The following PLA2G10 variants were observed in gnomAD, a reference collection of about 807,000 sequenced individuals.
PLA2G10 encodes group 10 secretory phospholipase A2.
PLA2G10 carries 9 observed loss-of-function variants against 7.9 expected under a neutral mutation model. That is an observed-to-expected ratio of 1.14 (90% CI 0.68 to 1.98). The LOEUF (loss-of-function observed/expected upper bound fraction) is 1.98. PLA2G10 is among the 30% of genes most tolerant of loss of function. The pLI, the probability that PLA2G10 is intolerant of heterozygous loss-of-function variation, is 0.00. For synonymous variants in PLA2G10, 19 were observed against 27.5 expected (o/e 0.69, Z 0.97); for missense variants, 53 against 65.4 (o/e 0.81, Z 0.66).
At chr16:14,681,706 A>T (rs761743534) in intron 3 of PLA2G10, among the ~76,000 whole-genome samples, 1 of 151,914 alleles carries the variant, frequency 6.6e-6, no homozygotes, top group Non-Finnish European at 1.5e-5. Context: ...CTCCAAACAG[A>T]ATAAGATAAT....
intron 3 of PLA2G10, among the ~76,000 whole-genome samples, chr16:14,685,688 T>C (rs568838937): frequency 2.6e-4 from 39 of 152,258 alleles, no homozygotes; most frequent in Admixed American, 2.0e-3. Flanking sequence ...ATGTCTATTT[T>C]CTTTTTGTTG....
chr16:14,685,245 G>A (rs941151693), intron 3 of PLA2G10, among the ~76,000 whole-genome samples: 3 of 151,724 alleles, frequency 2.0e-5, no homozygotes, highest in African/African-American at 7.3e-5. Context: ...GGTGGTGCAC[G>A]TTTGTAATCC....
At chr16:14,682,390 T>C (rs1337034560) in intron 3 of PLA2G10, among the ~76,000 whole-genome samples, 1 of 151,802 alleles carries the variant, frequency 6.6e-6, no homozygotes, top group Admixed American at 6.6e-5. Flanking sequence ...CTAGCCAACA[T>C]GGTGAAACAC....
intron 3 of PLA2G10, among the ~76,000 whole-genome samples, chr16:14,685,496 A>G (rs1346560983): frequency 6.6e-6 from 1 of 152,112 alleles, no homozygotes; most frequent in Non-Finnish European, 1.5e-5. Flanking sequence ...CCAGAGATAG[A>G]AAACTGGTAA....
intron 3 of PLA2G10, among the ~76,000 whole-genome samples, chr16:14,683,854 A>G (rs1597014344): frequency 6.6e-6 from 1 of 152,338 alleles, no homozygotes; most frequent in African/African-American, 2.4e-5. Context: ...GTGCAAAGAC[A>G]CTATCAAGGA....
At chr16:14,679,479 G>C (rs181715247) in intron 3 of PLA2G10, among the ~76,000 whole-genome samples, 105 of 152,070 alleles carry the variant, frequency 6.9e-4, no homozygotes, top group Non-Finnish European at 7.4e-5. Flanking sequence ...GGCCAACATA[G>C]AGAAAACCCA....
chr16:14,682,125 G>A (rs1249878475), intron 3 of PLA2G10, among the ~76,000 whole-genome samples: 4 of 152,002 alleles, frequency 2.6e-5, no homozygotes, highest in Non-Finnish European at 4.4e-5. Context: ...GAGCTACCAT[G>A]CCCAGCCAGT....
At chr16:14,677,065 C>T (rs1196172154) in intron 3 of PLA2G10, among the ~76,000 whole-genome samples, 2 of 152,116 alleles carry the variant, frequency 1.3e-5, no homozygotes, top group Non-Finnish European at 2.9e-5. Flanking sequence ...CTATACAATT[C>T]ATCCATGTAA....
At chr16:14,678,411 T>C (rs1274983494) in intron 3 of PLA2G10, among the ~76,000 whole-genome samples, 1 of 152,166 alleles carries the variant, frequency 6.6e-6, no homozygotes, top group Non-Finnish European at 1.5e-5. Context: ...GATAGCCACA[T>C]CCAGCTTCCA....
chr16:14,684,530 G>A (rs968016255), intron 3 of PLA2G10, among the ~76,000 whole-genome samples: 1 of 151,920 alleles, frequency 6.6e-6, no homozygotes, highest in Non-Finnish European at 1.5e-5. Flanking sequence ...GCTGGGCGTG[G>A]TGGCGGGCAC....
intron 3 of PLA2G10, among the ~76,000 whole-genome samples, chr16:14,675,288 C>T (rs971930378): frequency 6.6e-6 from 1 of 151,920 alleles, no homozygotes; most frequent in Non-Finnish European, 1.5e-5. Flanking sequence ...ATCCCTATCT[C>T]TCACCATCTA....
chr16:14,672,647 G>A lies in PLA2G10; in HGVS notation c.458C>T (p.Pro153Leu). The A allele has an allele frequency of 1.2e-6, 2 of 1,614,076 alleles. No homozygotes were observed. Reference protein sequence around the residue: ...TEYNLKYLFYPQFLCEPDSPK... With the variant: ...TEYNLKYLFYLQFLCEPDSPK... Reference sequence around the variant, plus strand: ...CGAGTCCGGCTCACATAGGAACTGGGGGTAGAAGAGGTACTTTAAGTTGTA... The same window carrying A: ...CGAGTCCGGCTCACATAGGAACTGGAGGTAGAAGAGGTACTTTAAGTTGTA... Residue 153 changes from proline to leucine, a missense_variant, in exon 4 of 4, where the codon CCC (proline) becomes CTC (leucine). Transcript: ENST00000438167.
chr16:14,682,437 T>C (rs1960918763), intron 3 of PLA2G10, among the ~76,000 whole-genome samples: 1 of 152,016 alleles, frequency 6.6e-6, no homozygotes, highest in African/African-American at 2.4e-5. Flanking sequence ...TAGCTGGGCA[T>C]GGTGGTGTGC....
intron 3 of PLA2G10, among the ~76,000 whole-genome samples, chr16:14,676,380 C>T (rs929290732): frequency 6.6e-6 from 1 of 152,178 alleles, no homozygotes; most frequent in South Asian, 2.1e-4. Context: ...AACCAATGAG[C>T]AGATAAAGAA....
chr16:14,678,471 T>C (rs1255684974), intron 3 of PLA2G10, among the ~76,000 whole-genome samples: 9 of 152,080 alleles, frequency 5.9e-5, no homozygotes, highest in Non-Finnish European at 1.3e-4. Flanking sequence ...AGTAGTTTGG[T>C]TAAAATACAT....
intron 3 of PLA2G10, among the ~76,000 whole-genome samples, chr16:14,687,437 C>T (rs1597018201): frequency 6.6e-6 from 1 of 151,620 alleles, no homozygotes; most frequent in Non-Finnish European, 1.5e-5. Flanking sequence ...TCAAGCGATC[C>T]TCCCACCTCA....
intron 3 of PLA2G10, among the ~76,000 whole-genome samples, chr16:14,683,788 A>G (rs1468733402): frequency 2.6e-5 from 4 of 152,186 alleles, no homozygotes; most frequent in Non-Finnish European, 5.9e-5. Context: ...GACACCAAAA[A>G]CACGAGCAAC....
intron 3 of PLA2G10, among the ~76,000 whole-genome samples, chr16:14,673,342 T>G (rs548895816): frequency 1.3e-5 from 2 of 151,494 alleles, no homozygotes; most frequent in African/African-American, 4.8e-5. Context: ...ACGACTTCAT[T>G]TGGGGATTCC....
At chr16:14,684,165 C>G (rs935514410) in intron 3 of PLA2G10, among the ~76,000 whole-genome samples, 3 of 150,586 alleles carry the variant, frequency 2.0e-5, no homozygotes, top group Non-Finnish European at 4.4e-5. Context: ...TCGAGACAGC[C>G]TGGCCAACAT....
Sources: allele counts gnomAD v4.1 joint callset (sites outside exome capture counted in the v4.1 genomes callset), GRCh38; gene constraint gnomAD v4.1.1; transcripts MANE v1.5; gene names NCBI Gene and HGNC (gene_info 2026-07-23, HGNC 2026-07-21).